Variants in NECTIN3 observed in about 807,000 individuals in gnomAD.
NECTIN3 encodes the protein nectin-3.
In NECTIN3, 8 loss-of-function variants were observed where a neutral mutation model predicts 49.4. The observed-to-expected ratio is 0.16, with a 90% CI of 0.10 to 0.29. The LOEUF (loss-of-function observed/expected upper bound fraction) is 0.29, where lower values mean the gene tolerates loss of function less well. Ranked by LOEUF, NECTIN3 falls within the 10% of genes least tolerant of loss-of-function variation. The pLI is 1.00. For synonymous variants in NECTIN3, 277 were observed against 241.1 expected, an observed-to-expected ratio of 1.15 and a Z score of -1.38; for missense variants, 581 against 654.6, an observed-to-expected ratio of 0.89 and a Z score of 1.23.
In NECTIN3 at chr3:111,145,076, A is replaced by T. The variant is rs560585504; in HGVS notation, c.1139+39A>T. On this transcript the variant is annotated intron_variant, in intron 6 of 8. Transcript: ENST00000493615. Reference sequence around the variant, plus strand: ...TTGCCTTTGTTCAACTATGAATATCAGTATGTGTCCAATCTTTATGTTTAC... The same window carrying T: ...TTGCCTTTGTTCAACTATGAATATCTGTATGTGTCCAATCTTTATGTTTAC... 353 of 1,503,280 alleles carry T rather than the reference A, an allele frequency of 2.3e-4. 1 individual carries two copies. The highest frequency in any genetic ancestry group is 7.1e-5 in the Non-Finnish European group (79 of 1,117,350). The allele number at this position is 1,503,280 out of a possible 1,614,324, so 93.1% of individuals were successfully genotyped here.
chr3:111,145,902 C>T (rs2034861967), intron 6 of NECTIN3, among the ~76,000 whole-genome samples: 1 of 152,108 alleles, frequency 6.6e-6, no homozygotes, highest in Admixed American at 6.6e-5. Flanking sequence ...CTAGTCTTTG[C>T]ATCAAAGACA....
chr3:111,184,431 G>T (rs1338527952), intron 7 of NECTIN3, among the ~76,000 whole-genome samples: 1 of 152,128 alleles, frequency 6.6e-6, no homozygotes, highest in Non-Finnish European at 1.5e-5. Flanking sequence ...CGAGACTCCA[G>T]CCCCACTTTT....
At chr3:111,075,787 A>G (rs1404373816) in intron 1 of NECTIN3, among the ~76,000 whole-genome samples, 1 of 152,144 alleles carries the variant, frequency 6.6e-6, no homozygotes, top group Non-Finnish European at 1.5e-5. Flanking sequence ...TATGGAAACT[A>G]GTTGACTATT....
intron 4 of NECTIN3, among the ~76,000 whole-genome samples, chr3:111,122,817 A>G (rs2034010925): frequency 6.6e-6 from 1 of 152,042 alleles, no homozygotes; most frequent in Non-Finnish European, 1.5e-5. Context: ...AAACTGTTAT[A>G]CCAAGGTTTT....
downstream of NECTIN3, among the ~76,000 whole-genome samples, chr3:111,140,214 A>T (rs994218983): frequency 6.6e-6 from 1 of 151,816 alleles, no homozygotes; most frequent in Non-Finnish European, 1.5e-5. Flanking sequence ...TATGTTCTAG[A>T]TATTTGGTTG....
intron 7 of NECTIN3, among the ~76,000 whole-genome samples, chr3:111,165,321 G>A (rs970820087): frequency 6.6e-6 from 1 of 152,146 alleles, no homozygotes; most frequent in Non-Finnish European, 1.5e-5. Context: ...GGGATTACAG[G>A]CATGAGCCAC....
At chr3:111,092,358 A>G (rs768334141) in intron 1 of NECTIN3, among the ~76,000 whole-genome samples, 2 of 152,178 alleles carry the variant, frequency 1.3e-5, no homozygotes, top group African/African-American at 4.8e-5. Context: ...TGCCATATCT[A>G]GAAGGCTTTG....
At chr3:111,089,536 T>C (rs2032135866) in intron 1 of NECTIN3, among the ~76,000 whole-genome samples, 2 of 152,144 alleles carry the variant, frequency 1.3e-5, no homozygotes, top group South Asian at 2.1e-4. Flanking sequence ...TTTTGAAATT[T>C]CCGTGTCGTC....
At chr3:111,137,769 C>CTTTTT (rs3081495), downstream of NECTIN3, among the ~76,000 whole-genome samples, 2 of 100,038 alleles carry the variant, frequency 2.0e-5, no homozygotes, top group African/African-American at 3.6e-5. Flanking sequence ...AAATTTTTTC[C>CTTTTT]TTTTTTTTTT....
intron 2 of NECTIN3, among the ~76,000 whole-genome samples, chr3:111,118,252 A>ATATATATATAT (rs1334271411): frequency 8.9e-6 from 1 of 111,980 alleles, no homozygotes; most frequent in African/African-American, 3.4e-5. Context: ...ATGAAGCTAT[A>ATATATATATAT]TATATATATA....
intron 5 of NECTIN3, among the ~76,000 whole-genome samples, chr3:111,129,102 T>G (rs766382996): frequency 1.3e-5 from 2 of 152,182 alleles, no homozygotes; most frequent in Admixed American, 6.5e-5. Context: ...CATTCCTACC[T>G]CAGAGTCTTT....
chr3:111,107,108 T>C (rs1376733405), intron 1 of NECTIN3, among the ~76,000 whole-genome samples: 1 of 152,156 alleles, frequency 6.6e-6, no homozygotes, highest in African/African-American at 2.4e-5. Context: ...ATCTGTAATA[T>C]GGATCTCCCT....
At chr3:111,073,192 A>C (rs2030925239) in intron 1 of NECTIN3, among the ~76,000 whole-genome samples, 1 of 152,204 alleles carries the variant, frequency 6.6e-6, no homozygotes, top group African/African-American at 2.4e-5. Context: ...TGGTAAGAAA[A>C]GTAGAGGGGC....
intron 5 of NECTIN3, among the ~76,000 whole-genome samples, chr3:111,144,703 T>C (rs2034832036): frequency 6.6e-6 from 1 of 152,006 alleles, no homozygotes; most frequent in Non-Finnish European, 1.5e-5. Flanking sequence ...TAAGCTGAGG[T>C]ATTAAAGTAA....
At chr3:111,153,636 A>G (rs2035041442) in intron 7 of NECTIN3, among the ~76,000 whole-genome samples, 1 of 152,064 alleles carries the variant, frequency 6.6e-6, no homozygotes, top group Non-Finnish European at 1.5e-5. Context: ...AATATTAAAG[A>G]TGCTAAGCAG....
At chr3:111,096,465 C>T (rs1449990656) in intron 1 of NECTIN3, among the ~76,000 whole-genome samples, 1 of 152,172 alleles carries the variant, frequency 6.6e-6, no homozygotes, top group East Asian at 1.9e-4. Context: ...TGGCTGCAGA[C>T]ATTTGCATAA....
intron 7 of NECTIN3, among the ~76,000 whole-genome samples, chr3:111,164,527 C>T (rs1362506454): frequency 6.6e-6 from 1 of 152,096 alleles, no homozygotes; most frequent in Non-Finnish European, 1.5e-5. Flanking sequence ...CTTAAAACAA[C>T]AGAAATTTAT....
At chr3:111,145,303 T>C (rs2107508013) in intron 6 of NECTIN3, among the ~76,000 whole-genome samples, 1 of 152,280 alleles carries the variant, frequency 6.6e-6, no homozygotes, top group East Asian at 1.9e-4. Flanking sequence ...AACATAGTAA[T>C]ACTTTATATT....
At chr3:111,101,482 A>G (rs1354957200) in intron 1 of NECTIN3, among the ~76,000 whole-genome samples, 2 of 152,150 alleles carry the variant, frequency 1.3e-5, no homozygotes, top group South Asian at 2.1e-4. Context: ...GTAAGTTATT[A>G]TAGAAACGTA....
Sources: gnomAD v4.1 joint callset for allele counts (sites outside exome capture counted in the v4.1 genomes callset) on GRCh38, gnomAD v4.1.1 for gene constraint, MANE v1.5 for transcripts, NCBI Gene and HGNC (gene_info 2026-07-23, HGNC 2026-07-21) for gene names.